CNNM4: variants seen among roughly 807,000 people sequenced by gnomAD.
The protein encoded by CNNM4 is metal transporter CNNM4.
In CNNM4, 32 loss-of-function variants were observed where a neutral mutation model predicts 53.7. The ratio of observed to expected loss-of-function variants is 0.60; its 90% CI spans 0.45 to 0.80. The LOEUF (loss-of-function observed/expected upper bound fraction) is 0.80, where lower values mean the gene tolerates loss of function less well. Among genes scored for constraint, CNNM4 ranks in the 30% least tolerant of loss-of-function variants. The pLI is 0.00. For synonymous variants in CNNM4, 410 were observed against 440.0 expected (o/e 0.93, Z 0.85); for missense variants, 784 against 1,022.0 (o/e 0.77, Z 3.17).
chr2:96,796,936 A>C, intron 1 of CNNM4, 76 bp from the exon 2 acceptor site: 183 of 1,474,756 alleles, frequency 1.2e-4, no homozygotes, highest in East Asian at 2.1e-4. Context: ...CCCTACGTCT[A>C]GAGTTAATGT....
chr2:96,765,523 C>G (rs2078808758), intron 1 of CNNM4, among the ~76,000 whole-genome samples: 1 of 152,172 alleles, frequency 6.6e-6, no homozygotes, highest in South Asian at 2.1e-4. Context: ...CTCCTCCACC[C>G]CAGGTTGGGT....
At chr2:96,764,266 G>T (rs907765229) in intron 1 of CNNM4, among the ~76,000 whole-genome samples, 4 of 152,122 alleles carry the variant, frequency 2.6e-5, no homozygotes, top group Non-Finnish European at 5.9e-5. Context: ...CTTGTCAAGT[G>T]CCCTTTCATT....
chr2:96,770,610 C>T (rs2078860443), intron 1 of CNNM4, among the ~76,000 whole-genome samples: 1 of 152,200 alleles, frequency 6.6e-6, no homozygotes, highest in Non-Finnish European at 1.5e-5. Flanking sequence ...TGCTTCCCCT[C>T]CTTTTCTAGA....
chr2:96,802,516 A>G (rs911702135), intron 5 of CNNM4, among the ~76,000 whole-genome samples: 1 of 152,238 alleles, frequency 6.6e-6, no homozygotes. Flanking sequence ...CATGAGGGGC[A>G]TGGCCCCGGG....
At chr2:96,806,535 A>ACACACACACACACACACACACACG (rs374638753) in intron 5 of CNNM4, among the ~76,000 whole-genome samples, 2 of 123,944 alleles carry the variant, frequency 1.6e-5, no homozygotes, top group African/African-American at 5.8e-5. Context: ...ACACACACAC[A>ACACACACACACACACACACACACG]CGCGCGCGCG....
intron 1 of CNNM4, chr2:96,788,613 G>A (rs985495432): frequency 6.6e-6 from 1 of 152,420 alleles, no homozygotes; most frequent in Non-Finnish European, 1.5e-5. Flanking sequence ...CTTGGGTGAA[G>A]GGAGGAAAGA....
intron 1 of CNNM4, among the ~76,000 whole-genome samples, chr2:96,789,505 G>C (rs1214400396): frequency 1.3e-5 from 2 of 152,258 alleles, no homozygotes; most frequent in South Asian, 4.1e-4. Flanking sequence ...CTGCTGGACA[G>C]AGGTCGCTGG....
intron 1 of CNNM4, among the ~76,000 whole-genome samples, chr2:96,767,407 C>T (rs1319826614): frequency 6.6e-6 from 1 of 152,100 alleles, no homozygotes; most frequent in Non-Finnish European, 1.5e-5. Context: ...GGTTTGTCCA[C>T]CTTGGAATCT....
chr2:96,801,106 G>T lies in CNNM4; in HGVS notation c.1948+1458G>T. On this transcript the variant is annotated intron_variant, in intron 5 of 6. Transcript: ENST00000377075. The surrounding 1 kb of genome is among the most constrained non-coding windows in gnomAD (Gnocchi z 5.6). The stretch of plus-strand genomic sequence containing the variant: ...TCCAGGTCGGGTGTCCGCCTGGCAA[G>T]CGGAACTCCCTGCTCTGCTGGCTCA... The T allele has an allele frequency of 1.0e-6, 1 of 985,428 alleles. No individual in the cohort carries two copies. The highest frequency in any genetic ancestry group is 4.7e-5 in the South Asian group (1 of 21,292). The allele number at this position is 985,428 out of a possible 1,614,324, so 61.0% of individuals were successfully genotyped here.
In CNNM4 at chr2:96,800,314, C is replaced by T. The variant is rs953832787; in HGVS notation, c.1948+666C>T. On this transcript the variant is annotated intron_variant, in intron 5 of 6. Coordinates refer to ENST00000377075, the MANE Select transcript of CNNM4 (RefSeq NM_020184.4). The surrounding 1 kb of genome is among the most constrained non-coding windows in gnomAD (Gnocchi z 4.6). ...AGGCCCAGGTCTCGCCAGCTCATCT[C>T]CTCGCTCCTCTCCAGGCTTCGGTCC... Among the ~76,000 whole-genome samples the T allele has an allele frequency of 6.6e-6, 1 of 152,194 alleles. No homozygotes were observed. Among genetic ancestry groups the T allele is most frequent in the African/African-American group, 2.4e-5 (1 of 41,442 alleles).
Position 96,796,905 on chromosome 2 carries a change from C to T in CNNM4, c.1403-107C>T, listed in dbSNP as rs1025369343. On this transcript the variant is annotated intron_variant, in intron 1 of 6. Transcript: ENST00000377075. ...ATGGAAAAGATAAAAACCACCATGA[C>T]CCCATCCTGGTGACTTATGACCCTA... 3 of 1,126,000 alleles carry T rather than the reference C, an allele frequency of 2.7e-6. No homozygotes were observed. The African/African-American group carries it at 4.6e-5, about 17-fold the overall frequency. The allele number at this position is 1,126,000 out of a possible 1,614,324, so 69.8% of individuals were successfully genotyped here. A position where few individuals can be genotyped will look rare whatever the true frequency, so the allele number is the denominator to read the frequency against.
At chr2:96,793,683 G>A (rs1234620430) in intron 1 of CNNM4, among the ~76,000 whole-genome samples, 1 of 152,216 alleles carries the variant, frequency 6.6e-6, no homozygotes, top group Non-Finnish European at 1.5e-5. Flanking sequence ...AGGCTGCCAG[G>A]CCGGGCGCGG....
At chr2:96,772,729 GCA>G (rs367885553) in intron 1 of CNNM4, among the ~76,000 whole-genome samples, 16 of 63,510 alleles carry the variant, frequency 2.5e-4, no homozygotes, top group South Asian at 8.1e-4. Flanking sequence ...ACACATGCGT[GCA>G]CACACACACA....
At chr2:96,806,545 G>A (rs774910373) in intron 5 of CNNM4, among the ~76,000 whole-genome samples, 265 of 143,958 alleles carry the variant, frequency 1.8e-3, no homozygotes, top group Middle Eastern at 7.0e-3. Flanking sequence ...ACGCGCGCGC[G>A]CGCGCGCGCC....
intron 1 of CNNM4, among the ~76,000 whole-genome samples, chr2:96,771,627 T>C (rs981809829): frequency 5.3e-5 from 8 of 151,842 alleles, no homozygotes; most frequent in African/African-American, 1.9e-4. Context: ...GGCAGGAGAA[T>C]TGCTTGAACC....
Position 96,808,440 on chromosome 2 carries a change from A to G in CNNM4, c.1949-121A>G, listed in dbSNP as rs2079227607. ...CTTCTACATGCTTCTGTTTGTCCCT[A>G]AGAATGACTTCCTGTTCCTGGGTGG... is the stretch of plus-strand genomic sequence containing the variant. On this transcript the variant is annotated intron_variant, in intron 5 of 6. Transcript: ENST00000377075. The surrounding 1 kb of genome is among the most constrained non-coding windows in gnomAD (Gnocchi z 4.9). 1 of 961,424 alleles carries G rather than the reference A, an allele frequency of 1.0e-6. No individual in the cohort carries two copies. Among genetic ancestry groups the G allele is most frequent in the African/African-American group, 1.6e-5 (1 of 61,898 alleles). 59.6% of individuals were successfully genotyped at this position (961,424 alleles called of 1,614,324 possible).
intron 3 of CNNM4, 91 bp from the exon 4 acceptor site, chr2:96,798,966 C>A: frequency 7.8e-7 from 1 of 1,285,522 alleles, no homozygotes; most frequent in Non-Finnish European, 1.1e-6. Flanking sequence ...CACAGCGTGG[C>A]TGCTGTGGTT....
At chr2:96,798,020 C>T (rs1574079357) in intron 3 of CNNM4, among the ~76,000 whole-genome samples, 1 of 152,128 alleles carries the variant, frequency 6.6e-6, no homozygotes, top group East Asian at 1.9e-4. Flanking sequence ...GAGACCCCAT[C>T]TCTACAAAAA....
intron 5 of CNNM4, 58 bp downstream of exon 5, chr2:96,799,706 T>A: frequency 7.5e-7 from 1 of 1,339,686 alleles, no homozygotes; most frequent in Non-Finnish European, 1.0e-6. Flanking sequence ...TGGGGAGCCA[T>A]GGACCGACAC....
Sources: gnomAD v4.1 joint callset for allele counts (sites outside exome capture counted in the v4.1 genomes callset) on GRCh38, gnomAD v4.1.1 for gene constraint, Gnocchi (gnomAD v3.1) non-coding constraint, MANE v1.5 for transcripts, NCBI Gene and HGNC (gene_info 2026-07-23, HGNC 2026-07-21) for gene names.